The following PCDHA1 variants were observed in gnomAD, a reference collection of about 807,000 sequenced individuals.
PCDHA1 encodes protocadherin alpha-1.
In PCDHA1, 42 loss-of-function variants were observed where a neutral mutation model predicts 61.3. The ratio of observed to expected loss-of-function variants is 0.69; its 90% confidence interval spans 0.54 to 0.89. PCDHA1 has a LOEUF of 0.89. Among genes scored for constraint, PCDHA1 ranks in the 40% least tolerant of loss-of-function variants. The pLI, the probability that PCDHA1 is intolerant of heterozygous loss-of-function variation, is 0.00. For missense variants in PCDHA1, 1,256 were observed against 1,235.3 expected (o/e 1.02, Z -0.25); for synonymous variants, 610 against 553.8 (o/e 1.10, Z -1.43).
At chr5:140,836,355 T>G (rs2150258561) in intron 1 of PCDHA1, 2 of 1,613,660 alleles carry the variant, frequency 1.2e-6, no homozygotes, top group Admixed American at 3.3e-5. Flanking sequence ...CGGGGAGCCC[T>G]CGCTGACAGC....
intron 1 of PCDHA1, among the ~76,000 whole-genome samples, chr5:140,942,118 A>C (rs554488765): frequency 1.3e-5 from 2 of 152,360 alleles, no homozygotes; most frequent in East Asian, 3.9e-4. Flanking sequence ...AAACTTTATT[A>C]AAGGTGATAT....
At chr5:140,836,213 G>T in intron 1 of PCDHA1, 4 of 1,613,848 alleles carry the variant, frequency 2.5e-6, no homozygotes, top group Non-Finnish European at 2.5e-6. Flanking sequence ...TTTCGTATGA[G>T]TTGCAACCGG....
intron 1 of PCDHA1, chr5:140,823,188 C>A (rs1562269864): frequency 1.9e-6 from 3 of 1,613,784 alleles, no homozygotes; most frequent in Non-Finnish European, 2.5e-6. Flanking sequence ...CGCCAGGCTG[C>A]CACATCTTCA....
intron 1 of PCDHA1, among the ~76,000 whole-genome samples, chr5:140,894,199 GC>G (rs2064359112): frequency 6.6e-6 from 1 of 151,732 alleles, no homozygotes; most frequent in Admixed American, 6.6e-5. Context: ...TTTTTTCTAT[GC>G]TATTATATTC....
At chr5:140,895,730 A>G (rs781978402) in intron 1 of PCDHA1, among the ~76,000 whole-genome samples, 4 of 152,280 alleles carry the variant, frequency 2.6e-5, no homozygotes, top group Middle Eastern at 3.4e-3. Flanking sequence ...CCTCCATTCA[A>G]TGGGCTGCAA....
In PCDHA1 at chr5:141,012,204, T is replaced by C. The variant is rs1053312501; in HGVS notation, c.*2267T>C. The C allele has an allele frequency of 1.3e-5, 2 of 153,800 alleles. No homozygotes were observed. Among genetic ancestry groups the C allele is most frequent in the African/African-American group, 4.8e-5 (2 of 41,474 alleles). 9.5% of individuals were successfully genotyped at this position (153,800 alleles called of 1,614,324 possible). On this transcript the variant is annotated 3_prime_UTR_variant, in exon 4 of 4. Transcript: ENST00000504120. ...TATAATGTATCTGTACAGCACTTTT[T>C]ACATTTGCGAAGTGCTTTCCAATCC...
intron 1 of PCDHA1, among the ~76,000 whole-genome samples, chr5:140,898,007 A>G (rs1477147548): frequency 2.3e-4 from 35 of 152,100 alleles, no homozygotes; most frequent in African/African-American, 8.5e-4. Context: ...GTGTCTGTTC[A>G]TATCCTTTGC....
Position 141,010,329 on chromosome 5 carries a change from G to A in PCDHA1, c.*392G>A. The A allele has an allele frequency of 6.5e-7, 1 of 1,538,672 alleles. No individual in the cohort carries two copies. Among genetic ancestry groups the A allele is most frequent in the Non-Finnish European group, 8.8e-7 (1 of 1,142,532 alleles). On this transcript the variant is annotated 3_prime_UTR_variant, in exon 4 of 4. Transcript: ENST00000504120. ...AGTTTTGAGATTGAGCAGCTTGGGA[G>A]TTTGTGGCCACTGGGTATGTGTGGC...
chr5:140,850,376 C>G (rs2041562813), intron 1 of PCDHA1: 1 of 1,597,960 alleles, frequency 6.3e-7, no homozygotes, highest in Non-Finnish European at 8.6e-7. Flanking sequence ...TGGGGCTGTA[C>G]ACGGGCGAGA....
intron 1 of PCDHA1, among the ~76,000 whole-genome samples, chr5:140,959,564 G>T (rs1440482785): frequency 6.6e-6 from 1 of 152,072 alleles, no homozygotes; most frequent in Non-Finnish European, 1.5e-5. Flanking sequence ...ATCAGTACTA[G>T]ATTTTTTGTT....
intron 1 of PCDHA1, among the ~76,000 whole-genome samples, chr5:140,954,333 G>C (rs1554221356): frequency 1.3e-5 from 2 of 152,140 alleles, no homozygotes; most frequent in African/African-American, 4.8e-5. Flanking sequence ...TGGTATTTCT[G>C]CCTCTAGATC....
At position 141,011,477 on chromosome 5, in the gene PCDHA1, T is replaced by C. The variant is rs1256394490; in HGVS notation, c.*1540T>C. 2 of 153,818 alleles carry C rather than the reference T, an allele frequency of 1.3e-5. No homozygotes were observed. Among genetic ancestry groups the C allele is most frequent in the Non-Finnish European group, 2.9e-5 (2 of 68,052 alleles). The allele number at this position is 153,818 out of a possible 1,614,324, so 9.5% of individuals were successfully genotyped here. ...TTTATTGTTGAATGTAATTCCATTA[T>C]ATTTCCTTTTGTACACCTGTGAAAA... On this transcript the variant is annotated 3_prime_UTR_variant, in exon 4 of 4. Transcript: ENST00000504120.
Position 140,853,680 on chromosome 5 carries a change from C to G in PCDHA1, c.2394+64996C>G, listed in dbSNP as rs142269623. 1,623 of 988,078 alleles carry G rather than the reference C, an allele frequency of 1.6e-3. 141 individuals are homozygous for G. The highest frequency in any genetic ancestry group is 5.6e-3 in the South Asian group (118 of 21,118). 61.2% of individuals were successfully genotyped at this position (988,078 alleles called of 1,614,324 possible). A position where few individuals can be genotyped will look rare whatever the true frequency, so the allele number is the denominator to read the frequency against. On this transcript the variant is annotated intron_variant, in intron 1 of 3. Transcript: ENST00000504120. Reference sequence around the variant, plus strand: ...AGACAAATTGGGGCCTATGGTCAACCTATCCTTAGACCTGCTAACGCATTA... The same window carrying G: ...AGACAAATTGGGGCCTATGGTCAACGTATCCTTAGACCTGCTAACGCATTA...
chr5:140,928,158 AC>A, intron 1 of PCDHA1: 7 of 1,614,066 alleles, frequency 4.3e-6, no homozygotes, highest in Non-Finnish European at 5.9e-6. Flanking sequence ...ATAGTGGCTC[AC>A]CCCCACTTAG....
rs782258261 is a variant in PCDHA1 at position 140,808,474 on chromosome 5, C to CG, written c.2394+19795dup. 6 of 1,614,152 alleles carry CG rather than the reference C, an allele frequency of 3.7e-6. 1 individual carries two copies. In the Middle Eastern group the frequency reaches 1.0e-3, roughly 269 times the overall value. On this transcript the variant is annotated intron_variant, in intron 1 of 3. Transcript: ENST00000504120. ...ATGAGCTGGTGGTGACCGCGCGAGA[C>CG]GGGGGCTCGCCTTCGCTGTGGGCCA...
chr5:140,873,929 G>C (rs1457405512), intron 1 of PCDHA1, among the ~76,000 whole-genome samples: 3 of 152,138 alleles, frequency 2.0e-5, no homozygotes, highest in African/African-American at 7.2e-5. Flanking sequence ...CCAAAGTGCT[G>C]GGATTACAGG....
chr5:140,870,186 C>T (rs1362653742), intron 1 of PCDHA1: 7 of 1,614,152 alleles, frequency 4.3e-6, no homozygotes, highest in Non-Finnish European at 5.9e-6. Flanking sequence ...TACGAGAGGA[C>T]GCTCAGCCCA....
chr5:140,944,346 C>A (rs2093644964), intron 1 of PCDHA1, among the ~76,000 whole-genome samples: 2 of 152,130 alleles, frequency 1.3e-5, no homozygotes, highest in African/African-American at 4.8e-5. Flanking sequence ...TGCCACCACA[C>A]CTGGCTAATT....
chr5:140,835,477 C>T (rs2150236453), intron 1 of PCDHA1: 2 of 1,613,948 alleles, frequency 1.2e-6, no homozygotes, highest in Non-Finnish European at 1.7e-6. Flanking sequence ...GACGCCCAAC[C>T]AGGTACCGTC....
Sources: allele counts gnomAD v4.1 joint callset (sites outside exome capture counted in the v4.1 genomes callset), GRCh38; gene constraint gnomAD v4.1.1; transcripts MANE v1.5; gene names NCBI Gene and HGNC (gene_info 2026-07-23, HGNC 2026-07-21).